SSR2: variants seen among roughly 807,000 people sequenced by gnomAD.
SSR2 encodes the protein translocon-associated protein subunit beta.
A neutral mutation model predicts 22.6 loss-of-function variants in SSR2; 16 were observed. That is an observed-to-expected ratio of 0.71 (90% CI 0.48 to 1.08). SSR2 has a LOEUF of 1.08. SSR2 is among the 50% of genes least tolerant of loss of function. The probability of loss-of-function intolerance (pLI) is 0.00; values close to 1 mark genes in which losing one functional copy is unlikely to be tolerated. For missense variants in SSR2, 171 were observed against 221.6 expected, an observed-to-expected ratio of 0.77 and a Z score of 1.45; for synonymous variants, 83 against 91.2, an observed-to-expected ratio of 0.91 and a Z score of 0.51.
chr1:156,016,841 C>G (rs1197279160), intron 3 of SSR2, among the ~76,000 whole-genome samples: 1 of 152,142 alleles, frequency 6.6e-6, no homozygotes, highest in Admixed American at 6.6e-5. Context: ...TGTAGCACCT[C>G]CCCTCTTACT....
chr1:156,018,280 G>C lies in SSR2; in HGVS notation c.244C>G (p.Arg82Gly). Reference sequence around the variant, plus strand: ...GTGCCAAGAGGATACGGGGCAATCCGGTCCCATTTGACATTGAGCATTCCA... The same window carrying C: ...GTGCCAAGAGGATACGGGGCAATCCCGTCCCATTTGACATTGAGCATTCCA... Reference protein sequence around the residue: ...VSGMLNVKWDRIAPASNVSHT... With the variant: ...VSGMLNVKWDGIAPASNVSHT... Residue 82 changes from arginine (R) to glycine (G), a missense_variant, in exon 3 of 6, where the codon CGG (arginine) becomes GGG (glycine). Arg to Gly is a moderately radical substitution (Grantham distance 125, BLOSUM62 -2). Transcript: ENST00000295702. The C allele has an allele frequency of 1.9e-6, 3 of 1,613,686 alleles. No homozygotes were observed. The highest frequency in any genetic ancestry group is 2.5e-6 in the Non-Finnish European group (3 of 1,179,726).
chr1:156,018,038 C>A, intron 3 of SSR2: 1 of 360,686 alleles, frequency 2.8e-6, no homozygotes, highest in Non-Finnish European at 5.2e-6. Flanking sequence ...CATGAGCCAC[C>A]GTGCCCAGCT....
chr1:156,019,593 C>A (rs1398179822), intron 2 of SSR2, among the ~76,000 whole-genome samples: 2 of 152,128 alleles, frequency 1.3e-5, no homozygotes, highest in Non-Finnish European at 2.9e-5. Flanking sequence ...CCATGTTGGC[C>A]AGGCTGGTCT....
chr1:156,011,712 C>A, intron 5 of SSR2, 98 bp downstream of exon 5: 1 of 983,976 alleles, frequency 1.0e-6, no homozygotes, highest in Non-Finnish European at 1.6e-6. Flanking sequence ...GGGCAAGAAC[C>A]AACCAACAAA....
intron 4 of SSR2, chr1:156,012,154 G>C (rs185378986): frequency 2.8e-6 from 1 of 353,820 alleles, no homozygotes; most frequent in African/African-American, 2.1e-5. Context: ...AAACAAGGTA[G>C]GCCAGGCATG....
At chr1:156,017,699 T>C (rs1683077542) in intron 3 of SSR2, among the ~76,000 whole-genome samples, 1 of 150,592 alleles carries the variant, frequency 6.6e-6, no homozygotes, top group African/African-American at 2.4e-5. Context: ...ACAAACATCT[T>C]TATTAAGTGT....
At chr1:156,017,308 CT>C in intron 3 of SSR2, among the ~76,000 whole-genome samples, 1 of 152,288 alleles carries the variant, frequency 6.6e-6, no homozygotes, top group Admixed American at 6.5e-5. Flanking sequence ...GAATAAGAGA[CT>C]TTAAAAGGTC....
intron 3 of SSR2, among the ~76,000 whole-genome samples, chr1:156,015,488 A>C (rs1411179557): frequency 1.7e-5 from 2 of 117,724 alleles, no homozygotes; most frequent in Non-Finnish European, 3.3e-5. Context: ...CCTGGGTAAC[A>C]GAGTGAGACT....
At position 156,017,743 on chromosome 1, in the gene SSR2, T is replaced by G. The variant is rs367989911; in HGVS notation, c.254+527A>C. 1.7e-3 allele frequency among the ~76,000 whole-genome samples: 178 copies of G among 107,244 alleles called. 2 individuals are homozygous for G. Among genetic ancestry groups the G allele is most frequent in the African/African-American group, 5.1e-3 (146 of 28,566 alleles). The allele number at this position is 107,244 out of a possible 152,430, so 70.4% of individuals were successfully genotyped here. ...TCCCAGTATAGTATGTTTCAGGTTT[T>G]TTTTTTTTTTTTTTTTTTTTTTTTT... On this transcript the variant is annotated intron_variant, in intron 3 of 5. Coordinates refer to ENST00000295702, the MANE Select transcript of SSR2 (RefSeq NM_003145.4).
intron 2 of SSR2, among the ~76,000 whole-genome samples, chr1:156,018,588 A>G (rs566899148): frequency 6.6e-6 from 1 of 151,642 alleles, no homozygotes; most frequent in Non-Finnish European, 1.5e-5. Context: ...AGCGCCTGTA[A>G]TCCCAGCTAC....
chr1:156,016,471 C>T (rs542583005), intron 3 of SSR2, among the ~76,000 whole-genome samples: 76 of 151,890 alleles, frequency 5.0e-4, no homozygotes, highest in Admixed American at 9.2e-4. Flanking sequence ...CTCCTGACCT[C>T]GTGATCCACC....
At chr1:156,019,963 C>G in intron 2 of SSR2, 50 bp downstream of exon 2, 1 of 1,582,340 alleles carries the variant, frequency 6.3e-7, no homozygotes, top group Non-Finnish European at 8.6e-7. Flanking sequence ...CATCTGAAAA[C>G]TAAGAATCCA....
At chr1:156,016,630 T>C (rs1683061308) in intron 3 of SSR2, among the ~76,000 whole-genome samples, 1 of 152,102 alleles carries the variant, frequency 6.6e-6, no homozygotes, top group Non-Finnish European at 1.5e-5. Flanking sequence ...AAAGACCACA[T>C]TTACCCTCAC....
rs1682949195 is a variant in SSR2 at position 156,009,386 on chromosome 1, AT to A, written c.*153del. Reference sequence around the variant, plus strand: ...AGACTCCTAGGGCTGGTCCTTCACTATGGCTGAGAGCAGGGCAGGATCCAGG... The same window carrying A: ...AGACTCCTAGGGCTGGTCCTTCACTAGGCTGAGAGCAGGGCAGGATCCAGG... On this transcript the variant is annotated 3_prime_UTR_variant, in exon 6 of 6. Transcript: ENST00000295702. The A allele has an allele frequency of 6.0e-6, 4 of 667,022 alleles. No individual in the cohort carries two copies. Among genetic ancestry groups the A allele is most frequent in the Non-Finnish European group, 1.1e-5 (4 of 375,920 alleles). 41.3% of individuals were successfully genotyped at this position (667,022 alleles called of 1,614,324 possible).
intron 2 of SSR2, among the ~76,000 whole-genome samples, chr1:156,019,797 T>C (rs1166069394): frequency 6.6e-6 from 1 of 152,202 alleles, no homozygotes; most frequent in Admixed American, 6.5e-5. Context: ...TCTAAAATTC[T>C]TCCAACCCGA....
At chr1:156,015,162 G>T in intron 3 of SSR2, 93 bp from the exon 4 acceptor site, 4 of 896,204 alleles carry the variant, frequency 4.5e-6, no homozygotes, top group Non-Finnish European at 7.2e-6. Context: ...CAAAACATTT[G>T]CCAATACATG....
chr1:156,020,415 G>A (rs184347581), intron 1 of SSR2: 12 of 427,706 alleles, frequency 2.8e-5, no homozygotes, highest in African/African-American at 2.4e-4. Flanking sequence ...GAAGCCCCGG[G>A]ATGCCCACCG....
Position 156,009,446 on chromosome 1 carries a change from G to A in SSR2, c.*94C>T. ...GCCAAGGGCTAAGAGAGAAGAGATT[G>A]CATTTAAGATACCCTTTGGAGTCTG... On this transcript the variant is annotated 3_prime_UTR_variant, in exon 6 of 6. Coordinates refer to ENST00000295702, the MANE Select transcript of SSR2 (RefSeq NM_003145.4). The A allele has an allele frequency of 1.0e-6, 1 of 955,836 alleles. No homozygotes were observed. The highest frequency in any genetic ancestry group is 1.7e-6 in the Non-Finnish European group (1 of 595,510). 59.2% of individuals were successfully genotyped at this position (955,836 alleles called of 1,614,324 possible).
chr1:156,015,798 C>T (rs769919011), intron 3 of SSR2, among the ~76,000 whole-genome samples: 6 of 151,346 alleles, frequency 4.0e-5, no homozygotes, highest in Admixed American at 1.3e-4. Context: ...CCATGTTATA[C>T]TCAGTGTCAT....
Sources: gnomAD v4.1 joint callset for allele counts (sites outside exome capture counted in the v4.1 genomes callset) on GRCh38, gnomAD v4.1.1 for gene constraint, MANE v1.5 for transcripts, NCBI Gene and HGNC (gene_info 2026-07-23, HGNC 2026-07-21) for gene names.